The following FAF2 variants were observed in gnomAD, a reference collection of about 807,000 sequenced individuals.
FAF2 encodes FAS-associated factor 2.
A neutral mutation model predicts 62.3 loss-of-function variants in FAF2; 9 were observed. That is an observed-to-expected ratio of 0.14 (90% confidence interval 0.09 to 0.25). The LOEUF (loss-of-function observed/expected upper bound fraction) is 0.25, where lower values mean the gene tolerates loss of function less well. FAF2 is among the 10% of genes least tolerant of loss of function. The pLI is 1.00. For missense variants in FAF2, 368 were observed against 556.2 expected (o/e 0.66, Z 3.40); for synonymous variants, 202 against 198.0 (o/e 1.02, Z -0.17).
At chr5:176,476,546 A>G (rs1758694024) in intron 1 of FAF2, among the ~76,000 whole-genome samples, 1 of 152,074 alleles carries the variant, frequency 6.6e-6, no homozygotes, top group Non-Finnish European at 1.5e-5. Flanking sequence ...ATAGGCACAT[A>G]AGAGACGTAG....
intron 8 of FAF2, among the ~76,000 whole-genome samples, chr5:176,497,864 A>T (rs1755524692): frequency 6.6e-6 from 1 of 152,210 alleles, no homozygotes; most frequent in Non-Finnish European, 1.5e-5. Context: ...AAAATGCAGA[A>T]TCAGGCCGAG....
At position 176,492,245 on chromosome 5, in the gene FAF2, C is replaced by G. The variant is rs140307370; in HGVS notation, c.396C>G (p.Pro132=). 4.3e-6 allele frequency: 7 copies of G among 1,613,978 alleles called. No individual in the cohort carries two copies. In the Admixed American group the frequency reaches 1.0e-4, roughly 23 times the overall value. The change falls in exon 5 of 11, where the codon CCC becomes CCG. Residue 132 remains proline, a synonymous_variant. Transcript: ENST00000261942. ...RPDPRSRVTD[P]VGDIVSFMHS... ...ACCCTCGCAGCCGGGTCACTGACCC[C>G]GTTGGGGACATTGTTTCATTTATGC...
At chr5:176,466,543 C>A (rs986761788) in intron 1 of FAF2, among the ~76,000 whole-genome samples, 2 of 152,184 alleles carry the variant, frequency 1.3e-5, no homozygotes, top group African/African-American at 4.8e-5. Context: ...ACCCTGGTTA[C>A]CCAATCCCTA....
intron 1 of FAF2, among the ~76,000 whole-genome samples, chr5:176,464,809 A>G (rs1414854441): frequency 6.6e-6 from 1 of 151,114 alleles, no homozygotes; most frequent in Non-Finnish European, 1.5e-5. Flanking sequence ...CTTTTTTTCT[A>G]GAAGCAGAAC....
Position 176,496,746 on chromosome 5 carries a change from C to A in FAF2, c.839+83C>A, listed in dbSNP as rs1755494488. On this transcript the variant is annotated intron_variant, in intron 8 of 10. Transcript: ENST00000261942. Reference sequence around the variant, plus strand: ...ACCTCTGGGGCTCTACCAATCCTGACTTCTTCTGTGCATCAGGCCGCTATT... The same window carrying A: ...ACCTCTGGGGCTCTACCAATCCTGAATTCTTCTGTGCATCAGGCCGCTATT... The A allele has an allele frequency of 4.6e-6, 5 of 1,083,764 alleles. No homozygotes were observed. The South Asian group carries it at 8.1e-5, about 18-fold the overall frequency. The allele number at this position is 1,083,764 out of a possible 1,614,324, so 67.1% of individuals were successfully genotyped here.
At chr5:176,468,283 G>A (rs1399790422) in intron 1 of FAF2, among the ~76,000 whole-genome samples, 1 of 152,040 alleles carries the variant, frequency 6.6e-6, no homozygotes, top group African/African-American at 2.4e-5. Flanking sequence ...CTGGGTCTTG[G>A]GAGTATAGAA....
At position 176,488,957 on chromosome 5, in the gene FAF2, C is replaced by A; in HGVS notation, c.274C>A (p.Leu92Ile). 1 of 1,613,798 alleles carries A rather than the reference C, an allele frequency of 6.2e-7. No homozygotes were observed. Among genetic ancestry groups the A allele is most frequent in the South Asian group, 1.1e-5 (1 of 91,060 alleles). Residue 92 changes from leucine (L) to isoleucine (I), a missense_variant, in exon 4 of 11, where the codon CTT becomes ATT. This residue lies in a region of FAF2 where 331 missense variants were observed against 441.9 expected (regional missense o/e 0.75). Coordinates refer to ENST00000261942, the MANE Select transcript of FAF2 (RefSeq NM_014613.3). ...VVSRPQPRGL[L>I]GWGYYLIMLP... Reference sequence around the variant, plus strand: ...TTTGTTTTTGGACTTTCAGGGGCTGCTTGGATGGGGTTATTACTTGATAAT... The same window carrying A: ...TTTGTTTTTGGACTTTCAGGGGCTGATTGGATGGGGTTATTACTTGATAAT...
intron 1 of FAF2, among the ~76,000 whole-genome samples, chr5:176,451,216 C>A (rs1283008273): frequency 6.6e-6 from 1 of 152,036 alleles, no homozygotes; most frequent in Non-Finnish European, 1.5e-5. Flanking sequence ...ACTAAAAATA[C>A]AAAAATTAGC....
chr5:176,507,982 G>T lies in FAF2; in HGVS notation c.*1032G>T, dbSNP rs1755714144. On this transcript the variant is annotated 3_prime_UTR_variant, in exon 11 of 11. Transcript: ENST00000261942. Reference sequence around the variant, plus strand: ...TGGTGCCTTTCCAAAGGACTAGCAGGGCCTGTGGTGGAGCCAGCAGAACCA... The same window carrying T: ...TGGTGCCTTTCCAAAGGACTAGCAGTGCCTGTGGTGGAGCCAGCAGAACCA... 6.6e-6 allele frequency: 1 copy of T among 152,580 alleles called. No homozygotes were observed. The highest frequency in any genetic ancestry group is 2.4e-5 in the African/African-American group (1 of 41,424). 9.5% of individuals were successfully genotyped at this position (152,580 alleles called of 1,614,324 possible). A position where few individuals can be genotyped will look rare whatever the true frequency, so the allele number is the denominator to read the frequency against.
chr5:176,474,328 A>T (rs1287470414), intron 1 of FAF2, among the ~76,000 whole-genome samples: 6 of 152,224 alleles, frequency 3.9e-5, no homozygotes, highest in African/African-American at 1.4e-4. Flanking sequence ...ATATGCAGAT[A>T]TAGTGGCTTC....
At chr5:176,458,804 C>G (rs1758324779) in intron 1 of FAF2, among the ~76,000 whole-genome samples, 1 of 152,130 alleles carries the variant, frequency 6.6e-6, no homozygotes, top group African/African-American at 2.4e-5. Flanking sequence ...TCAAACCTTA[C>G]ATTTTTACCC....
At chr5:176,504,572 A>G (rs1051639194) in intron 10 of FAF2, among the ~76,000 whole-genome samples, 4 of 152,088 alleles carry the variant, frequency 2.6e-5, no homozygotes, top group Admixed American at 6.6e-5. Flanking sequence ...CAACAGAGCA[A>G]GACTCCATCT....
chr5:176,463,660 TAAGA>T (rs1464785617), intron 1 of FAF2, among the ~76,000 whole-genome samples: 1 of 151,524 alleles, frequency 6.6e-6, no homozygotes, highest in African/African-American at 2.4e-5. Flanking sequence ...AAGCTAAACC[TAAGA>T]AAGATGCCTG....
intron 10 of FAF2, 116 bp downstream of exon 10, chr5:176,500,262 A>G: frequency 3.3e-6 from 1 of 299,418 alleles, no homozygotes. Flanking sequence ...AACAGGGAAC[A>G]GAGAGAGAGA....
intron 1 of FAF2, among the ~76,000 whole-genome samples, chr5:176,475,061 A>T (rs1416675070): frequency 6.6e-6 from 1 of 152,138 alleles, no homozygotes; most frequent in Non-Finnish European, 1.5e-5. Flanking sequence ...GTTATAAATT[A>T]GGTTAAGTGT....
In FAF2 at chr5:176,448,464, G is replaced by A; in HGVS notation, c.57G>A (p.Gln19=). ...AGGAGCAGACAGAGAAGCTGCTGCA[G>A]TTTCAGGTAGCAGCGAGTACTCGGT... The part of the protein sequence containing the change: ...LTQEQTEKLL[Q]FQDLTGIESM... Residue 19 remains glutamine (Q), a synonymous_variant, in exon 1 of 11, where the codon CAG becomes CAA. Transcript: ENST00000261942. 6.3e-7 allele frequency: 1 copy of A among 1,599,540 alleles called. No homozygotes were observed. The highest frequency in any genetic ancestry group is 1.7e-5 in the Admixed American group (1 of 57,440).
At chr5:176,458,075 C>T (rs1758307453) in intron 1 of FAF2, among the ~76,000 whole-genome samples, 1 of 151,816 alleles carries the variant, frequency 6.6e-6, no homozygotes, top group Non-Finnish European at 1.5e-5. Context: ...CTTCTCTTTT[C>T]ACTCCTCTTC....
intron 1 of FAF2, among the ~76,000 whole-genome samples, chr5:176,455,994 C>G (rs1212827897): frequency 6.6e-6 from 1 of 151,456 alleles, no homozygotes; most frequent in Non-Finnish European, 1.5e-5. Flanking sequence ...GGTAAGAGAA[C>G]TTCTGTCTTT....
chr5:176,467,330 G>T (rs114268222), intron 1 of FAF2, among the ~76,000 whole-genome samples: 1,770 of 150,768 alleles, frequency 0.012, 39 homozygotes, highest in African/African-American at 0.039. Context: ...ACTTTTTTTG[G>T]TTTTTTTTGG....
Sources: allele counts gnomAD v4.1 joint callset (sites outside exome capture counted in the v4.1 genomes callset), GRCh38; gene constraint gnomAD v4.1.1; regional missense constraint gnomAD v4.1.1; transcripts MANE v1.5; gene names NCBI Gene and HGNC (gene_info 2026-07-23, HGNC 2026-07-21).